The following ALPK3 variants were observed in gnomAD, a reference collection of about 807,000 sequenced individuals.
ALPK3 encodes alpha-protein kinase 3.
ALPK3 carries 102 observed loss-of-function variants against 140.0 expected under a neutral mutation model. The ratio of observed to expected loss-of-function variants is 0.73; its 90% CI spans 0.62 to 0.86. The LOEUF (loss-of-function observed/expected upper bound fraction) is 0.86, where lower values mean the gene tolerates loss of function less well. Ranked by LOEUF, ALPK3 falls within the 40% of genes least tolerant of loss-of-function variation. ALPK3 has a pLI of 0.00. For missense variants in ALPK3, 2,254 were observed against 2,208.2 expected, an observed-to-expected ratio of 1.02 and a Z score of -0.42; for synonymous variants, 938 against 898.5, an observed-to-expected ratio of 1.04 and a Z score of -0.79.
In ALPK3 at chr15:84,857,992, C is replaced by T; in HGVS notation, c.3254C>T (p.Ser1085Leu). 1.3e-6 allele frequency: 2 copies of T among 1,599,004 alleles called. No homozygotes were observed. The highest frequency in any genetic ancestry group is 2.7e-5 in the African/African-American group (2 of 74,722). The change falls in exon 6 of 14, where the codon TCA becomes TTA. Residue 1085 changes from serine to leucine, a missense_variant. Transcript: ENST00000258888. ...GACGAGGAGGACCCTGGGCTGGCCT[C>T]AGAAGGAGCCAGTGAGGGTGAAGGA... ...VVDEEDPGLASEGASEGEGEV... is the reference protein window; with the variant it reads ...VVDEEDPGLALEGASEGEGEV...
rs150023454 is a variant in ALPK3 at position 84,858,421 on chromosome 15, G to A, written c.3683G>A (p.Arg1228Gln). The A allele has an allele frequency of 2.7e-4, 423 of 1,560,142 alleles. 1 individual carries two copies. In the East Asian group the frequency reaches 7.0e-3, roughly 26 times the overall value. Reference sequence around the variant, plus strand: ...AAGGCGAGCATGCTGGAGGTGCCTCGGGCAGAGGAGGAGCTGGCGGCAGGA... The same window carrying A: ...AAGGCGAGCATGCTGGAGGTGCCTCAGGCAGAGGAGGAGCTGGCGGCAGGA... ...GRKASMLEVP[R>Q]AEEELAAGDL... Residue 1228 changes from arginine (R) to glutamine (Q), a missense_variant, in exon 6 of 14, where the codon CGG becomes CAG. Arg to Gln is a conservative substitution (Grantham distance 43). Coordinates refer to ENST00000258888, the MANE Select transcript of ALPK3 (RefSeq NM_020778.5).
intron 1 of ALPK3, among the ~76,000 whole-genome samples, chr15:84,817,929 C>T (rs1398622994): frequency 6.6e-6 from 1 of 152,222 alleles, no homozygotes; most frequent in African/African-American, 2.4e-5. Flanking sequence ...CCACAGCTAG[C>T]GATAAGGAAA....
rs182122598 is a variant in ALPK3, at chr15:84,850,469, G to A, written c.1654-5923G>A. Among the ~76,000 whole-genome samples the A allele has an allele frequency of 1.8e-4, 27 of 152,176 alleles. 1 individual carries two copies. In the East Asian group the frequency reaches 5.0e-3, roughly 28 times the overall value. ...CATAATCATAGCTTACTGCAGCCTCGAACTCCTGGGCTCAAGCAATTCTCC... is the reference window on the plus strand; with the variant it reads ...CATAATCATAGCTTACTGCAGCCTCAAACTCCTGGGCTCAAGCAATTCTCC... On this transcript the variant is annotated intron_variant, in intron 5 of 13. Transcript: ENST00000258888.
Position 84,817,550 on chromosome 15 carries a change from G to A in ALPK3, c.98G>A (p.Ser33Asn), listed in dbSNP as rs1300190123. 1.5e-5 allele frequency: 23 copies of A among 1,502,432 alleles called. No homozygotes were observed. The highest frequency in any genetic ancestry group is 2.0e-4 in the Middle Eastern group (1 of 4,994). 93.1% of individuals were successfully genotyped at this position (1,502,432 alleles called of 1,614,324 possible). A position where few individuals can be genotyped will look rare whatever the true frequency, so the allele number is the denominator to read the frequency against. ...GEDDGPVWIP[S>N]PASRSYLLSV... ...GACGACGGCCCCGTGTGGATCCCCA[G>A]CCCAGCCAGCCGGAGCTACCTGCTC... The change falls in exon 1 of 14, where the codon AGC becomes AAC. Residue 33 changes from serine (S) to asparagine (N), a missense_variant. Around this residue, in one of 3 missense-constraint regions of ALPK3, gnomAD observed 2,088 missense variants for 2,022.9 expected, o/e 1.03. Transcript: ENST00000258888.
At chr15:84,845,781 G>C (rs748513924) in intron 5 of ALPK3, among the ~76,000 whole-genome samples, 2 of 152,326 alleles carry the variant, frequency 1.3e-5, no homozygotes, top group African/African-American at 4.8e-5. Flanking sequence ...ACTGCAGGCC[G>C]GGTGTGGTGG....
intron 4 of ALPK3, 144 bp from the exon 5 acceptor site, chr15:84,839,558 A>G (rs1262455593): frequency 1.1e-6 from 1 of 905,428 alleles, no homozygotes; most frequent in Non-Finnish European, 1.7e-6. Flanking sequence ...GTATGTTGTG[A>G]CGTGTGAGAT....
Position 84,857,052 on chromosome 15 carries a change from C to G in ALPK3, c.2314C>G (p.Leu772Val). Residue 772 changes from leucine (L) to valine (V), a missense_variant, in exon 6 of 14, where the codon CTG becomes GTG. By Grantham distance (32) the Leu-to-Val change is conservative. This residue lies in a region of ALPK3 where 2,088 missense variants were observed against 2,022.9 expected (regional missense o/e 1.03). Coordinates refer to ENST00000258888, the MANE Select transcript of ALPK3 (RefSeq NM_020778.5). ...GSCFPKKPGC[L>V]PRSEEAVVTA... ...TTGTTTCCCAAAAAAACCTGGTTGC[C>G]TGCCCAGATCTGAGGAGGCAGTAGT... 1 of 1,614,196 alleles carries G rather than the reference C, an allele frequency of 6.2e-7. No homozygotes were observed. Among genetic ancestry groups the G allele is most frequent in the Non-Finnish European group, 8.5e-7 (1 of 1,180,034 alleles).
In ALPK3 at chr15:84,857,832, C is replaced by T; in HGVS notation, c.3094C>T (p.Leu1032=). 1.2e-6 allele frequency: 2 copies of T among 1,610,786 alleles called. No homozygotes were observed. The highest frequency in any genetic ancestry group is 1.7e-4 in the Middle Eastern group (1 of 6,046). The change falls in exon 6 of 14, where the codon CTG becomes TTG. Residue 1032 remains leucine (L), a synonymous_variant. Transcript: ENST00000258888. ...HLVQSAQTLL[L]SPCTSRRLTG... ...GGTGCAGAGTGCACAGACCCTGCTG[C>T]TGAGCCCCTGTACCTCCCGCCGCCT...
rs1040458084 is a variant in ALPK3 at position 84,841,782 on chromosome 15, C to A, written c.1653+850C>A. Reference sequence around the variant, plus strand: ...AGAGGGCAGGAAGGAAACAATTCGTCCCTTTTGGTTATTTCTTTATGTTTC... The same window carrying A: ...AGAGGGCAGGAAGGAAACAATTCGTACCTTTTGGTTATTTCTTTATGTTTC... On this transcript the variant is annotated intron_variant, in intron 5 of 13. Transcript: ENST00000258888. Among the ~76,000 whole-genome samples the A allele has an allele frequency of 2.6e-5, 4 of 152,174 alleles. No homozygotes were observed. The South Asian group carries it at 6.2e-4, about 24-fold the overall frequency.
At chr15:84,833,033 C>T (rs1431694193) in intron 3 of ALPK3, among the ~76,000 whole-genome samples, 2 of 152,194 alleles carry the variant, frequency 1.3e-5, no homozygotes, top group East Asian at 3.8e-4. Context: ...CAAGCCCAAT[C>T]CAAAGGAGCA....
At position 84,840,104 on chromosome 15, in the gene ALPK3, C is replaced by T. The variant is rs8031581; in HGVS notation, c.825C>T (p.Thr275=). Residue 275 remains threonine, a synonymous_variant, in exon 5 of 14, where the codon ACC becomes ACT. Transcript: ENST00000258888. The part of the protein sequence containing the change: ...LINSFASGEV[T]TNGEAAPENG... The stretch of plus-strand genomic sequence containing the variant: ...ACAGTTTTGCTTCTGGAGAAGTGAC[C>T]ACCAACGGGGAGGCTGCCCCCGAGA... 2 of 1,613,976 alleles carry T rather than the reference C, an allele frequency of 1.2e-6. No individual in the cohort carries two copies. Among genetic ancestry groups the T allele is most frequent in the Admixed American group, 1.7e-5 (1 of 60,002 alleles).
In ALPK3 at chr15:84,859,364, G is replaced by C. The variant is rs935977042; in HGVS notation, c.3939G>C (p.Gln1313His). 1.2e-6 allele frequency: 2 copies of C among 1,614,054 alleles called. No homozygotes were observed. Among genetic ancestry groups the C allele is most frequent in the African/African-American group, 2.7e-5 (2 of 74,934 alleles). ...CAGTCTTGACATGGGCCAAGGATCA[G>C]CGCCCAGTGGGCGAGGTGGGCAGGA... ...SDSVLTWAKDQRPVGEVGRSA... is the reference protein window; with the variant it reads ...SDSVLTWAKDHRPVGEVGRSA... Residue 1313 changes from glutamine (Q) to histidine (H), a missense_variant, in exon 7 of 14, where the codon CAG (glutamine) becomes CAC (histidine). Coordinates refer to ENST00000258888, the MANE Select transcript of ALPK3 (RefSeq NM_020778.5).
rs1186307775 is a variant in ALPK3 at position 84,817,513 on chromosome 15, G to T, written c.61G>T (p.Gly21Cys). 1 of 1,477,994 alleles carries T rather than the reference G, an allele frequency of 6.8e-7. No homozygotes were observed. Among genetic ancestry groups the T allele is most frequent in the African/African-American group, 1.5e-5 (1 of 68,284 alleles). The allele number at this position is 1,477,994 out of a possible 1,614,324, so 91.6% of individuals were successfully genotyped here. A position where few individuals can be genotyped will look rare whatever the true frequency, so the allele number is the denominator to read the frequency against. The stretch of plus-strand genomic sequence containing the variant: ...CGCGGGTGGGCGGTCGGGGGCGGGG[G>T]GCGACGGTGAGGACGACGGCCCCGT... The part of the protein sequence containing the change: ...WGAGGRSGAG[G>C]DGEDDGPVWI... Residue 21 changes from glycine (G) to cysteine (C), a missense_variant, in exon 1 of 14, where the codon GGC becomes TGC. Transcript: ENST00000258888.
intron 5 of ALPK3, among the ~76,000 whole-genome samples, chr15:84,844,583 G>A (rs926094647): frequency 2.2e-4 from 33 of 152,124 alleles, no homozygotes; most frequent in African/African-American, 6.8e-4. Context: ...AAGGCCGAGC[G>A]CAGTGGTTCA....
intron 5 of ALPK3, among the ~76,000 whole-genome samples, chr15:84,852,193 C>T (rs1384186855): frequency 6.6e-6 from 1 of 152,156 alleles, no homozygotes; most frequent in Non-Finnish European, 1.5e-5. Context: ...AGTATCACTA[C>T]TCTTGTGCTT....
chr15:84,845,212 A>G (rs778620556), intron 5 of ALPK3, among the ~76,000 whole-genome samples: 4 of 151,838 alleles, frequency 2.6e-5, no homozygotes, highest in Non-Finnish European at 4.4e-5. Context: ...TAACTTGGGC[A>G]GAGAGAGTTC....
chr15:84,817,647 C>A, intron 1 of ALPK3, 52 bp downstream of exon 1: 1 of 1,454,230 alleles, frequency 6.9e-7, no homozygotes, highest in Non-Finnish European at 9.0e-7. Flanking sequence ...GCCCTGGGAT[C>A]AGTCCCTGTG....
intron 5 of ALPK3, among the ~76,000 whole-genome samples, chr15:84,850,879 T>TACACACACACACACACACACAC (rs4040516): frequency 2.1e-5 from 3 of 142,472 alleles, no homozygotes; most frequent in East Asian, 4.1e-4. Flanking sequence ...GTTCCAGATA[T>TACACACACACACACACACACAC]ACACACACAC....
chr15:84,867,990 T>G, intron 13 of ALPK3, 121 bp from the exon 14 acceptor site: 2 of 1,006,626 alleles, frequency 2.0e-6, no homozygotes, highest in South Asian at 3.1e-5. Context: ...CCCATCACCC[T>G]CAGATAAGGT....
Sources: gnomAD v4.1 joint callset for allele counts (sites outside exome capture counted in the v4.1 genomes callset) on GRCh38, gnomAD v4.1.1 for gene constraint, gnomAD v4.1.1 regional missense constraint, MANE v1.5 for transcripts, NCBI Gene and HGNC (gene_info 2026-07-23, HGNC 2026-07-21) for gene names.